MICAL2: variants seen among roughly 807,000 people sequenced by gnomAD.
The protein encoded by MICAL2 is [F-actin]-monooxygenase MICAL2.
MICAL2 carries 77 observed loss-of-function variants against 127.3 expected under a neutral mutation model. That is an observed-to-expected ratio of 0.60 (90% CI 0.50 to 0.73). MICAL2 has a LOEUF of 0.73. MICAL2 is among the 30% of genes least tolerant of loss of function. MICAL2 has a pLI of 0.00. For missense variants in MICAL2, 1,351 were observed against 1,434.4 expected (o/e 0.94, Z 0.94); for synonymous variants, 570 against 551.1 (o/e 1.03, Z -0.48).
intron 13 of MICAL2, 36 bp from the exon 14 acceptor site, chr11:12,226,135 C>G (rs937450673): frequency 7.5e-6 from 12 of 1,608,992 alleles, no homozygotes; most frequent in Middle Eastern, 1.7e-4. Flanking sequence ...TCTGCCTCCT[C>G]TCCCTGAATT....
At chr11:12,183,649 G>A (rs910330120) in intron 3 of MICAL2, among the ~76,000 whole-genome samples, 4 of 152,242 alleles carry the variant, frequency 2.6e-5, no homozygotes, top group African/African-American at 9.6e-5. Flanking sequence ...TGTGGACACT[G>A]TTGACATAGA....
chr11:12,255,270 G>A lies in MICAL2; in HGVS notation c.2848-373G>A, dbSNP rs113217675. On this transcript the variant is annotated intron_variant, in intron 22 of 27. Coordinates refer to ENST00000683283, the MANE Select transcript of MICAL2 (RefSeq NM_001282663.2). ...TTTAGTGGTATTAAATACATCCTTC[G>A]TGTGCAACCCTCACCATCCTCCCAC... 1,914 of 238,480 alleles carry A rather than the reference G, an allele frequency of 8.0e-3. 28 individuals carry two copies. Among genetic ancestry groups the A allele is most frequent in the African/African-American group, 0.039 (1,781 of 45,410 alleles). 14.8% of individuals were successfully genotyped at this position (238,480 alleles called of 1,614,324 possible).
chr11:12,155,653 TTCTC>T (rs1854105576), intron 2 of MICAL2, among the ~76,000 whole-genome samples: 1 of 152,226 alleles, frequency 6.6e-6, no homozygotes, highest in Non-Finnish European at 1.5e-5. Context: ...CTGCAATTAC[TTCTC>T]TCTCTCTTTT....
At chr11:12,176,771 C>A (rs1856888977) in intron 3 of MICAL2, among the ~76,000 whole-genome samples, 1 of 152,148 alleles carries the variant, frequency 6.6e-6, no homozygotes, top group African/African-American at 2.4e-5. Flanking sequence ...AGCATAATGT[C>A]TTCAAGGTTC....
intron 32 of MICAL2, among the ~76,000 whole-genome samples, chr11:12,344,479 T>G (rs1207290586): frequency 0.014 from 1,501 of 104,712 alleles, 22 homozygotes; most frequent in Non-Finnish European, 0.018. Context: ...AAACTATTAT[T>G]ATTATTATTA....
downstream of MICAL2, among the ~76,000 whole-genome samples, chr11:12,290,208 C>T (rs1278587803): frequency 6.6e-6 from 1 of 152,280 alleles, no homozygotes; most frequent in African/African-American, 2.4e-5. Flanking sequence ...GCTGGAGTTC[C>T]ATCTTGAAGG....
intron 3 of MICAL2, among the ~76,000 whole-genome samples, chr11:12,179,749 G>A (rs542690386): frequency 7.8e-6 from 1 of 128,660 alleles, no homozygotes; most frequent in African/African-American, 3.4e-5. Context: ...GGCACTGTTA[G>A]AGAGAGCTGC....
intron 1 of MICAL2, among the ~76,000 whole-genome samples, chr11:12,136,927 T>G (rs949153112): frequency 2.0e-5 from 3 of 152,182 alleles, no homozygotes; most frequent in African/African-American, 7.2e-5. Context: ...CTTCTGTTCC[T>G]GAGATCTAGA....
chr11:12,231,991 C>T lies in MICAL2; in HGVS notation c.1996-4186C>T, dbSNP rs556919978. Among the ~76,000 whole-genome samples the T allele has an allele frequency of 4.3e-4, 65 of 152,312 alleles. 1 individual carries two copies. The highest frequency in any genetic ancestry group is 7.3e-4 in the Non-Finnish European group (50 of 68,030). ...GGGTCTGGCAAATGTTCTAGCCTCT[C>T]AGAAATCTCCTTTGCTTGTCTGAAA... is the stretch of plus-strand genomic sequence containing the variant. On this transcript the variant is annotated intron_variant, in intron 15 of 27. Coordinates refer to ENST00000683283, the MANE Select transcript of MICAL2 (RefSeq NM_001282663.2).
intron 8 of MICAL2, among the ~76,000 whole-genome samples, chr11:12,217,248 C>T (rs929006915): frequency 3.3e-5 from 5 of 152,222 alleles, no homozygotes; most frequent in African/African-American, 1.2e-4. Context: ...AGCACGGTGG[C>T]CATTCATTGC....
Position 12,223,448 on chromosome 11 carries a change from A to T in MICAL2, c.1487A>T (p.Tyr496Phe). The T allele has an allele frequency of 6.2e-7, 1 of 1,613,848 alleles. No individual in the cohort carries two copies. The highest frequency in any genetic ancestry group is 8.5e-7 in the Non-Finnish European group (1 of 1,179,942). Residue 496 changes from tyrosine to phenylalanine, a missense_variant, in exon 12 of 28, where the codon TAC becomes TTC. Physicochemically the swap from Tyr to Phe is conservative, Grantham distance 22. This residue lies in a region of MICAL2 where 599 missense variants were observed against 714.9 expected (regional missense o/e 0.84). Coordinates refer to ENST00000683283, the MANE Select transcript of MICAL2 (RefSeq NM_001282663.2). Reference protein sequence around the residue: ...HLYITKELEHYPLERLGSVRR... With the variant: ...HLYITKELEHFPLERLGSVRR... ...TATATCACTAAGGAGCTGGAGCACT[A>T]CCCTCTCGAGAGACTGGGCTCGGTG...
intron 26 of MICAL2, chr11:12,261,337 G>T: frequency 1.0e-6 from 1 of 985,554 alleles, no homozygotes; most frequent in Non-Finnish European, 1.2e-6. Context: ...GGCAGGGAAG[G>T]CTGGGAGTGG....
chr11:12,263,112 A>T (rs1359423170), intron 27 of MICAL2: 1 of 152,898 alleles, frequency 6.5e-6, no homozygotes, highest in Non-Finnish European at 1.5e-5. Context: ...ATTCTAGCAA[A>T]TGCTGCCTTG....
At chr11:12,177,620 T>C (rs566367109) in intron 3 of MICAL2, among the ~76,000 whole-genome samples, 3 of 152,376 alleles carry the variant, frequency 2.0e-5, no homozygotes, top group Non-Finnish European at 4.4e-5. Flanking sequence ...TAGGAGTTTT[T>C]AGTTTCAGCT....
At chr11:12,158,587 G>T (rs541260308) in intron 2 of MICAL2, among the ~76,000 whole-genome samples, 1 of 152,124 alleles carries the variant, frequency 6.6e-6, no homozygotes, top group African/African-American at 2.4e-5. Context: ...TGCAATGTAA[G>T]TATTTACATA....
intron 2 of MICAL2, among the ~76,000 whole-genome samples, chr11:12,139,074 G>C (rs1852099690): frequency 6.6e-6 from 1 of 152,126 alleles, no homozygotes; most frequent in African/African-American, 2.4e-5. Flanking sequence ...GTTGTTTAGA[G>C]TAAACCCCTC....
chr11:12,159,414 A>T, intron 2 of MICAL2, among the ~76,000 whole-genome samples: 1 of 152,230 alleles, frequency 6.6e-6, no homozygotes, highest in Non-Finnish European at 1.5e-5. Context: ...CTCCTGTGGT[A>T]GATGCAGTGT....
At chr11:12,136,567 G>A (rs1851854951) in intron 1 of MICAL2, among the ~76,000 whole-genome samples, 1 of 152,126 alleles carries the variant, frequency 6.6e-6, no homozygotes, top group Admixed American at 6.5e-5. Flanking sequence ...TGGGGTCCTA[G>A]GTGAGGAAAT....
chr11:12,298,085 G>A (rs1261537030), intron 29 of MICAL2, among the ~76,000 whole-genome samples: 6 of 151,638 alleles, frequency 4.0e-5, no homozygotes, highest in Non-Finnish European at 8.8e-5. Context: ...ATACTCTCGT[G>A]GGATTGAGTT....
Sources: allele counts gnomAD v4.1 joint callset (sites outside exome capture counted in the v4.1 genomes callset), GRCh38; gene constraint gnomAD v4.1.1; regional missense constraint gnomAD v4.1.1; transcripts MANE v1.5; gene names NCBI Gene and HGNC (gene_info 2026-07-23, HGNC 2026-07-21).